The following PLAC1 variants were observed in gnomAD, a reference collection of about 807,000 sequenced individuals.
PLAC1 encodes placenta associated 1.
For synonymous variants in PLAC1, 68 were observed against 62.1 expected (o/e 1.09, Z -0.44); for missense variants, 136 against 163.2 (o/e 0.83, Z 0.91).
chrX:134,713,436 G>A (rs1473843311), intron 2 of PLAC1, among the ~76,000 whole-genome samples: 2 of 111,975 alleles, frequency 1.8e-5, no homozygotes, highest in African/African-American at 6.5e-5. Flanking sequence ...TGCCGGGAGA[G>A]GGTAAAAAGA....
chrX:134,736,321 C>T (rs2078703150), intron 1 of PLAC1, among the ~76,000 whole-genome samples: 1 of 111,151 alleles, frequency 9.0e-6, no homozygotes, highest in Non-Finnish European at 1.9e-5. Context: ...AAGCTTTTGC[C>T]TGATATGAAA....
At chrX:134,736,277 C>CA (rs754374142) in intron 1 of PLAC1, among the ~76,000 whole-genome samples, 75 of 100,825 alleles carry the variant, frequency 7.4e-4, no homozygotes, top group South Asian at 1.8e-3. Flanking sequence ...GACTCCATTT[C>CA]AAAAAAAAAA....
chrX:134,579,031 A>C (rs1324436348), intron 2 of PLAC1, among the ~76,000 whole-genome samples: 1 of 111,449 alleles, frequency 9.0e-6, no homozygotes, highest in Non-Finnish European at 1.9e-5. Context: ...GTCTTAAGTG[A>C]TTACAGAAAC....
intron 1 of PLAC1, among the ~76,000 whole-genome samples, chrX:134,762,665 T>C (rs1247792824): frequency 9.3e-6 from 1 of 107,678 alleles, no homozygotes; most frequent in Non-Finnish European, 1.9e-5. Flanking sequence ...CCGTCTCTAC[T>C]AAAAATACAA....
At chrX:134,623,621 C>G (rs1281223997) in intron 1 of PLAC1, among the ~76,000 whole-genome samples, 1 of 112,024 alleles carries the variant, frequency 8.9e-6, no homozygotes, top group Admixed American at 9.5e-5. Context: ...TCAGGGATCT[C>G]TGCTCCACAC....
chrX:134,733,864 G>A (rs967030493), intron 1 of PLAC1, among the ~76,000 whole-genome samples: 5 of 110,450 alleles, frequency 4.5e-5, no homozygotes, highest in Admixed American at 9.6e-5. Context: ...GTTGGCATGA[G>A]AGCGTTCACT....
intron 2 of PLAC1, among the ~76,000 whole-genome samples, chrX:134,731,160 G>A (rs2078687790): frequency 1.8e-5 from 2 of 112,009 alleles, no homozygotes; most frequent in South Asian, 3.8e-4. Flanking sequence ...CCTGCAGCCT[G>A]ACTTCACAAC....
chrX:134,587,241 G>A (rs776644331), intron 2 of PLAC1, among the ~76,000 whole-genome samples: 2 of 110,076 alleles, frequency 1.8e-5, no homozygotes, highest in African/African-American at 6.6e-5. Context: ...CCCCACAGAA[G>A]TCAGACATTT....
intron 1 of PLAC1, among the ~76,000 whole-genome samples, chrX:134,750,428 G>A (rs989071820): frequency 8.2e-5 from 9 of 110,223 alleles, no homozygotes; most frequent in Non-Finnish European, 1.5e-4. Flanking sequence ...TAGTAGATGA[G>A]CTTGACAATT....
intron 2 of PLAC1, among the ~76,000 whole-genome samples, chrX:134,710,586 A>G (rs2078625118): frequency 8.9e-6 from 1 of 112,100 alleles, no homozygotes; most frequent in Non-Finnish European, 1.9e-5. Context: ...CCAAAGGAGG[A>G]ATGAATAAAT....
intron 1 of PLAC1, among the ~76,000 whole-genome samples, chrX:134,762,183 G>A (rs2078771249): frequency 1.0e-5 from 1 of 100,228 alleles, no homozygotes; most frequent in African/African-American, 4.0e-5. Flanking sequence ...GAACATTCCA[G>A]AACTGTTGAG....
chrX:134,605,583 A>C (rs769645624), intron 1 of PLAC1: 1 of 112,701 alleles, frequency 8.9e-6, no homozygotes, highest in Non-Finnish European at 1.9e-5. Context: ...TTGTGTAGCT[A>C]AAAAGTGCTA....
intron 1 of PLAC1, among the ~76,000 whole-genome samples, chrX:134,657,567 A>G (rs2078398252): frequency 8.9e-6 from 1 of 112,222 alleles, no homozygotes; most frequent in African/African-American, 3.2e-5. Context: ...AGGACAAGTT[A>G]TTAGAGCTGC....
At chrX:134,579,260 G>T (rs9887366) in intron 2 of PLAC1, among the ~76,000 whole-genome samples, 6,087 of 110,797 alleles carry the variant, frequency 0.055, 417 homozygotes, top group African/African-American at 0.19. Context: ...TGGAAACGGG[G>T]GTCCCAGAAG....
At chrX:134,675,579 C>T (rs766569457) in intron 2 of PLAC1, among the ~76,000 whole-genome samples, 3 of 110,542 alleles carry the variant, frequency 2.7e-5, no homozygotes, top group East Asian at 5.7e-4. Context: ...GCAGGAGAAT[C>T]GCTTGAATCC....
intron 2 of PLAC1, among the ~76,000 whole-genome samples, chrX:134,673,342 A>G (rs1306431479): frequency 9.9e-6 from 1 of 100,784 alleles, no homozygotes; most frequent in African/African-American, 3.6e-5. Context: ...AGGGAAGGGA[A>G]GGAGGGAGGG....
intron 2 of PLAC1, among the ~76,000 whole-genome samples, chrX:134,679,650 T>C (rs2078487347): frequency 8.9e-6 from 1 of 111,915 alleles, no homozygotes; most frequent in Non-Finnish European, 1.9e-5. Flanking sequence ...GCTCAAAATG[T>C]CAATAGTGCT....
At chrX:134,617,321 A>G (rs2124404288) in intron 1 of PLAC1, among the ~76,000 whole-genome samples, 1 of 111,828 alleles carries the variant, frequency 8.9e-6, no homozygotes, top group East Asian at 2.8e-4. Flanking sequence ...ATGCCTTTCA[A>G]AAAAGGTGTG....
chrX:134,661,488 T>A (rs1235645047), upstream of PLAC1, among the ~76,000 whole-genome samples: 1 of 111,710 alleles, frequency 9.0e-6, no homozygotes, highest in African/African-American at 3.3e-5. Flanking sequence ...CCCCAGTTTA[T>A]GGGCAGAAGT....
Sources: gnomAD v4.1 joint callset for allele counts (sites outside exome capture counted in the v4.1 genomes callset) on GRCh38, gnomAD v4.1.1 for gene constraint, MANE v1.5 for transcripts, NCBI Gene and HGNC (gene_info 2026-07-23, HGNC 2026-07-21) for gene names.